Variants in OSBP2 observed in about 807,000 individuals in gnomAD.
OSBP2 encodes the protein oxysterol binding protein 2.
A neutral mutation model predicts 96.0 loss-of-function variants in OSBP2; 66 were observed. The ratio of observed to expected loss-of-function variants is 0.69; its 90% CI spans 0.56 to 0.84. OSBP2 has a LOEUF of 0.84. OSBP2 is among the 40% of genes least tolerant of loss of function. The pLI, the probability that OSBP2 is intolerant of heterozygous loss-of-function variation, is 0.00. For synonymous variants in OSBP2, 525 were observed against 520.9 expected (o/e 1.01, Z -0.11); for missense variants, 1,038 against 1,222.7 (o/e 0.85, Z 2.25).
At chr22:30,886,148 G>A (rs2039804500) in intron 3 of OSBP2, among the ~76,000 whole-genome samples, 1 of 152,248 alleles carries the variant, frequency 6.6e-6, no homozygotes, top group African/African-American at 2.4e-5. Context: ...GCCCAAGGTG[G>A]TTGGGGCGCA....
At position 30,790,769 on chromosome 22, in the gene OSBP2, A is replaced by G. The variant is rs559590372; in HGVS notation, c.853+49400A>G. On this transcript the variant is annotated intron_variant, in intron 2 of 13. Coordinates refer to ENST00000332585, the MANE Select transcript of OSBP2 (RefSeq NM_030758.4). ...GTGGTTAAGGGTCATTTCAGGACCA[A>G]TAAGCTTTTGGATGAACAATTTAAA... is the stretch of plus-strand genomic sequence containing the variant. 3.3e-5 allele frequency among the ~76,000 whole-genome samples: 5 copies of G among 152,300 alleles called. No individual in the cohort carries two copies. In the South Asian group the frequency reaches 1.0e-3, roughly 32 times the overall value.
chr22:30,890,844 G>A lies in OSBP2; in HGVS notation c.1740G>A (p.Val580=). The A allele has an allele frequency of 4.3e-6, 7 of 1,613,838 alleles. No homozygotes were observed. The highest frequency in any genetic ancestry group is 5.9e-6 in the Non-Finnish European group (7 of 1,180,042). ...CTSSVEQMCL[V]AAFSVSSYST... ...GCTCAGTGGAGCAGATGTGCCTGGT[G>A]GCCGCCTTCTCTGTGTCCTCCTACT... is the stretch of plus-strand genomic sequence containing the variant. Residue 580 remains valine (V), a synonymous_variant, in exon 8 of 14, where the codon GTG becomes GTA. Coordinates refer to ENST00000332585, the MANE Select transcript of OSBP2 (RefSeq NM_030758.4). The surrounding 1 kb of genome is among the most constrained non-coding windows in gnomAD (Gnocchi z 4.4).
rs2147206410 is a variant in OSBP2 at position 30,907,015 on chromosome 22, C to G, written c.*676C>G. Reference sequence around the variant, plus strand: ...GCACAGAGTTTCTGGAGCTCCCATCCACAGATGCAGGAGGGGGTACTGATG... The same window carrying G: ...GCACAGAGTTTCTGGAGCTCCCATCGACAGATGCAGGAGGGGGTACTGATG... On this transcript the variant is annotated 3_prime_UTR_variant, in exon 14 of 14. Transcript: ENST00000332585. 6.5e-6 allele frequency: 1 copy of G among 152,692 alleles called. No individual in the cohort carries two copies. Among genetic ancestry groups the G allele is most frequent in the Non-Finnish European group, 1.5e-5 (1 of 68,110 alleles). 9.5% of individuals were successfully genotyped at this position (152,692 alleles called of 1,614,324 possible).
chr22:30,860,831 C>A (rs374890926), intron 2 of OSBP2, among the ~76,000 whole-genome samples: 9 of 152,208 alleles, frequency 5.9e-5, no homozygotes, highest in African/African-American at 2.2e-4. Context: ...AGCATCATGG[C>A]GGTTGCCAGA....
intron 2 of OSBP2, among the ~76,000 whole-genome samples, chr22:30,790,050 C>T (rs1033128155): frequency 7.2e-5 from 11 of 152,136 alleles, no homozygotes; most frequent in Non-Finnish European, 1.0e-4. Context: ...ACCCCATCTC[C>T]GTGCTACAAG....
intron 1 of OSBP2, among the ~76,000 whole-genome samples, chr22:30,722,690 CCTCTTTTTTCTTTCTTT>C (rs942055988): frequency 3.5e-4 from 51 of 146,258 alleles, no homozygotes; most frequent in South Asian, 1.1e-3. Context: ...TCTTTTCTTT[CCTCTTTTTTCTTTCTTT>C]CTCTTTTTTC....
chr22:30,886,681 A>C (rs1198459119), intron 3 of OSBP2, among the ~76,000 whole-genome samples: 1 of 152,242 alleles, frequency 6.6e-6, no homozygotes, highest in Non-Finnish European at 1.5e-5. Flanking sequence ...GTTGGAAAGT[A>C]AGTCACGATA....
rs559392022 is a variant in OSBP2 at position 30,848,599 on chromosome 22, A to C, written c.854-21830A>C. On this transcript the variant is annotated intron_variant, in intron 2 of 13. Coordinates refer to ENST00000332585, the MANE Select transcript of OSBP2 (RefSeq NM_030758.4). Reference sequence around the variant, plus strand: ...TACCTCTTTGCAGTCAATATCCCCCAACATCTTGCTTTAGATAGCAACTGA... The same window carrying C: ...TACCTCTTTGCAGTCAATATCCCCCCACATCTTGCTTTAGATAGCAACTGA... 1.8e-3 allele frequency among the ~76,000 whole-genome samples: 276 copies of C among 152,286 alleles called. 1 individual carries two copies. Among genetic ancestry groups the C allele is most frequent in the Non-Finnish European group, 2.1e-3 (140 of 68,020 alleles).
At chr22:30,707,235 T>A (rs2089268846) in intron 1 of OSBP2, among the ~76,000 whole-genome samples, 1 of 152,064 alleles carries the variant, frequency 6.6e-6, no homozygotes, top group Non-Finnish European at 1.5e-5. Flanking sequence ...TAGGTGGGAT[T>A]ACAGGCTCTC....
chr22:30,880,360 G>T (rs1371240697), intron 3 of OSBP2, among the ~76,000 whole-genome samples: 1 of 152,244 alleles, frequency 6.6e-6, no homozygotes, highest in Non-Finnish European at 1.5e-5. Flanking sequence ...GGCAGGTCCT[G>T]GACCAGCCGC....
intron 2 of OSBP2, among the ~76,000 whole-genome samples, chr22:30,782,277 C>T (rs574942926): frequency 6.6e-6 from 1 of 152,338 alleles, no homozygotes; most frequent in Non-Finnish European, 1.5e-5. Context: ...TCCAAATTCT[C>T]TTCATGCCCT....
At chr22:30,822,857 C>A (rs1293035778) in intron 2 of OSBP2, 3 of 660,166 alleles carry the variant, frequency 4.5e-6, no homozygotes, top group Non-Finnish European at 7.1e-6. Context: ...CTCGGGGAAC[C>A]CCTGTCCCCG....
At position 30,870,822 on chromosome 22, in the gene OSBP2, C is replaced by A; in HGVS notation, c.1107+140C>A. 2.4e-6 allele frequency: 2 copies of A among 843,378 alleles called. No individual in the cohort carries two copies. The highest frequency in any genetic ancestry group is 1.7e-5 in the South Asian group (1 of 57,228). The allele number at this position is 843,378 out of a possible 1,614,324, so 52.2% of individuals were successfully genotyped here. A position where few individuals can be genotyped will look rare whatever the true frequency, so the allele number is the denominator to read the frequency against. On this transcript the variant is annotated intron_variant, in intron 3 of 13. Transcript: ENST00000332585. This position sits in a 1 kb window ranked among gnomAD's most constrained non-coding sequence, Gnocchi z 4.1. Reference sequence around the variant, plus strand: ...ACGGTGTTTCCCAAAGCCAGCGCCCCCCAGCTAGCTTCCGAGTTCTTAAAT... The same window carrying A: ...ACGGTGTTTCCCAAAGCCAGCGCCCACCAGCTAGCTTCCGAGTTCTTAAAT...
chr22:30,902,244 T>TA, intron 12 of OSBP2: 1 of 1,540,264 alleles, frequency 6.5e-7, no homozygotes, highest in South Asian at 1.1e-5. Flanking sequence ...GTAGGGAATC[T>TA]ACCTTTTAAT....
chr22:30,740,693 G>A (rs573392107), intron 1 of OSBP2, among the ~76,000 whole-genome samples: 4 of 150,386 alleles, frequency 2.7e-5, no homozygotes, highest in East Asian at 1.9e-4. Flanking sequence ...GGGTTTCACC[G>A]TGTTGGCTCA....
chr22:30,882,165 G>A (rs2039716799), intron 3 of OSBP2, among the ~76,000 whole-genome samples: 1 of 152,188 alleles, frequency 6.6e-6, no homozygotes, highest in Non-Finnish European at 1.5e-5. Flanking sequence ...GGCTAAGGGT[G>A]CTGGGAGGCC....
chr22:30,810,636 C>A (rs915427960), intron 2 of OSBP2, among the ~76,000 whole-genome samples: 1 of 152,188 alleles, frequency 6.6e-6, no homozygotes, highest in African/African-American at 2.4e-5. Context: ...TATACCTGAG[C>A]CCCCGCCCCC....
At chr22:30,838,760 A>G (rs1304784802) in intron 2 of OSBP2, among the ~76,000 whole-genome samples, 1 of 151,692 alleles carries the variant, frequency 6.6e-6, no homozygotes, top group East Asian at 1.9e-4. Flanking sequence ...GTCTGTTAAT[A>G]TAGTGAATTA....
At chr22:30,726,910 T>A (rs1328597764) in intron 1 of OSBP2, among the ~76,000 whole-genome samples, 3 of 152,206 alleles carry the variant, frequency 2.0e-5, no homozygotes, top group Admixed American at 6.5e-5. Context: ...GGGCAGCGGC[T>A]GACATTTGTG....
Sources: gnomAD v4.1 joint callset for allele counts (sites outside exome capture counted in the v4.1 genomes callset) on GRCh38, gnomAD v4.1.1 for gene constraint, Gnocchi (gnomAD v3.1) non-coding constraint, MANE v1.5 for transcripts, NCBI Gene and HGNC (gene_info 2026-07-23, HGNC 2026-07-21) for gene names.